RELT: variants seen among roughly 807,000 people sequenced by gnomAD.
The protein encoded by RELT is tumor necrosis factor receptor superfamily member 19L.
A neutral mutation model predicts 51.1 loss-of-function variants in RELT; 37 were observed. The ratio of observed to expected loss-of-function variants is 0.72; its 90% CI spans 0.56 to 0.95. The LOEUF is 0.95. Among genes scored for constraint, RELT ranks in the 40% least tolerant of loss-of-function variants. RELT has a pLI of 0.00. For synonymous variants in RELT, 241 were observed against 235.7 expected, an observed-to-expected ratio of 1.02 and a Z score of -0.21; for missense variants, 535 against 572.6, an observed-to-expected ratio of 0.93 and a Z score of 0.67.
chr11:73,392,537 C>T, intron 6 of RELT, 69 bp downstream of exon 6: 1 of 1,547,758 alleles, frequency 6.5e-7, no homozygotes. Flanking sequence ...CACTTGGGGG[C>T]TGCCAGCGGA....
intron 6 of RELT, 187 bp from the exon 7 acceptor site, chr11:73,393,650 T>C: frequency 6.4e-7 from 1 of 1,554,022 alleles, no homozygotes; most frequent in Non-Finnish European, 8.7e-7. Context: ...TGTTGAATCA[T>C]GAAGGTGATA....
rs375003837 is a variant in RELT, at chr11:73,394,559, T to C, written c.871T>C (p.Ser291Pro). Residue 291 changes from serine (S) to proline (P), a missense_variant, in exon 9 of 11, where the codon TCT (serine) becomes CCT (proline). Transcript: ENST00000064780. This position sits in a 1 kb window ranked among gnomAD's most constrained non-coding sequence, Gnocchi z 4.9. ...CACCGTGCAGGGCCTGGCCTCGCTC[T>C]CTGGCCCCTGCTGCTCCCGCTGTAG... ...LHTVQGLASL[S>P]GPCCSRCSQK... is the part of the protein sequence containing the mutation. 8.9e-5 allele frequency: 144 copies of C among 1,612,286 alleles called. No homozygotes were observed. Among genetic ancestry groups the C allele is most frequent in the Non-Finnish European group, 1.2e-4 (138 of 1,179,974 alleles).
Position 73,395,084 on chromosome 11 carries a change from C to T in RELT, c.1047-3C>T. On this transcript the variant is annotated splice_region_variant and splice_polypyrimidine_tract_variant and intron_variant, in intron 9 of 10. Transcript: ENST00000064780. ...GGGGATGATTGCCCCACTCTCCTCA[C>T]AGGTTCCGCGTGGCTCGAATTCCTG... The T allele has an allele frequency of 6.2e-7, 1 of 1,612,268 alleles. No homozygotes were observed. Among genetic ancestry groups the T allele is most frequent in the East Asian group, 2.2e-5 (1 of 44,874 alleles).
chr11:73,395,327 A>C (rs767602176), intron 10 of RELT, 42 bp downstream of exon 10: 1 of 1,606,250 alleles, frequency 6.2e-7, no homozygotes, highest in East Asian at 2.2e-5. Context: ...ACCTGGGCCA[A>C]CCCTGACCGA....
At chr11:73,382,512 G>T (rs1185484118) in intron 1 of RELT, among the ~76,000 whole-genome samples, 1 of 152,216 alleles carries the variant, frequency 6.6e-6, no homozygotes, top group Admixed American at 6.5e-5. Context: ...CAGGGCCAGG[G>T]TTGGCAACAC....
At chr11:73,384,216 C>G (rs1866089575) in intron 1 of RELT, 1 of 152,388 alleles carries the variant, frequency 6.6e-6, no homozygotes, top group Non-Finnish European at 1.5e-5. Flanking sequence ...TTCCTGGCTC[C>G]CATAGGCCCT....
Position 73,395,244 on chromosome 11 carries a change from C to A in RELT, c.1204C>A (p.Arg402Ser), listed in dbSNP as rs150214600. 1.9e-6 allele frequency: 3 copies of A among 1,613,154 alleles called. No homozygotes were observed. The highest frequency in any genetic ancestry group is 2.5e-6 in the Non-Finnish European group (3 of 1,179,962). Residue 402 changes from arginine (R) to serine (S), a missense_variant, in exon 10 of 11, where the codon CGT becomes AGT. Arg to Ser is a moderately radical substitution (Grantham distance 110). Coordinates refer to ENST00000064780, the MANE Select transcript of RELT (RefSeq NM_152222.2). ...QQALLGSGGS[R>S]TKWLKPPAEN... ...GGCCCTGCTAGGAAGTGGCGGAAGC[C>A]GTACAAAGTGGCTGAAGCCCCCAGC...
In RELT at chr11:73,377,699, C is replaced by G. The variant is rs537579585; in HGVS notation, c.-26+1200C>G. Among the ~76,000 whole-genome samples the G allele has an allele frequency of 2.6e-4, 40 of 151,418 alleles. 1 individual carries two copies. The highest frequency in any genetic ancestry group is 9.7e-4 in the African/African-American group (40 of 41,376). ...TTCTCAGACCCCCCCGCCCCCCTCC[C>G]CCGCGCAGGCCTCAGTCTCCCCATC... On this transcript the variant is annotated intron_variant, in intron 1 of 10. Transcript: ENST00000064780.
At chr11:73,382,257 G>C (rs1000882735) in intron 1 of RELT, among the ~76,000 whole-genome samples, 8 of 152,214 alleles carry the variant, frequency 5.3e-5, no homozygotes, top group Admixed American at 1.3e-4. Flanking sequence ...CAAGTCTGGG[G>C]AGAGTTGGAG....
chr11:73,381,442 C>G (rs917612185), intron 1 of RELT, among the ~76,000 whole-genome samples: 1 of 152,166 alleles, frequency 6.6e-6, no homozygotes, highest in Non-Finnish European at 1.5e-5. Context: ...TGCACAGACC[C>G]TTTCCCTCCC....
intron 5 of RELT, chr11:73,392,003 A>C (rs1383915372): frequency 8.0e-6 from 5 of 627,522 alleles, no homozygotes; most frequent in East Asian, 2.8e-5. Context: ...CGTCCTGAGG[A>C]GGCCTTGTTC....
At chr11:73,384,150 C>T (rs1866088654) in intron 1 of RELT, among the ~76,000 whole-genome samples, 2 of 152,164 alleles carry the variant, frequency 1.3e-5, no homozygotes, top group Non-Finnish European at 2.9e-5. Flanking sequence ...TAGCAGGCAG[C>T]CTGGGGAGCC....
rs1436423637 is a variant in RELT at position 73,394,962 on chromosome 11, G to A, written c.1047-125G>A. The A allele has an allele frequency of 5.1e-6, 5 of 971,080 alleles. No individual in the cohort carries two copies. The highest frequency in any genetic ancestry group is 2.1e-5 in the Admixed American group (1 of 46,696). 60.2% of individuals were successfully genotyped at this position (971,080 alleles called of 1,614,324 possible). A position where few individuals can be genotyped will look rare whatever the true frequency, so the allele number is the denominator to read the frequency against. On this transcript the variant is annotated intron_variant, in intron 9 of 10. Transcript: ENST00000064780. This position sits in a 1 kb window ranked among gnomAD's most constrained non-coding sequence, Gnocchi z 4.9. ...CCTAGGGCAGCATCTTGGCCCCCATGGCACCCGGGCCTCTCAGGCTAAGGC... is the reference window on the plus strand; with the variant it reads ...CCTAGGGCAGCATCTTGGCCCCCATAGCACCCGGGCCTCTCAGGCTAAGGC...
intron 6 of RELT, chr11:73,393,524 G>A: frequency 7.7e-7 from 1 of 1,295,978 alleles, no homozygotes; most frequent in Non-Finnish European, 1.0e-6. Flanking sequence ...GGAGGAGACA[G>A]TGCAGACCCA....
chr11:73,386,477 A>G (rs556587233), intron 1 of RELT, among the ~76,000 whole-genome samples: 1 of 152,084 alleles, frequency 6.6e-6, no homozygotes, highest in Non-Finnish European at 1.5e-5. Context: ...AGGTGTGGAC[A>G]TGTGTGTGCA....
chr11:73,386,985 G>A (rs1172182634), intron 1 of RELT, among the ~76,000 whole-genome samples: 1 of 147,844 alleles, frequency 6.8e-6, no homozygotes, highest in African/African-American at 2.5e-5. Context: ...TTGCTCTGTC[G>A]CCCAGGCTGG....
intron 5 of RELT, chr11:73,391,874 T>G: frequency 2.2e-6 from 1 of 446,998 alleles, no homozygotes; most frequent in Non-Finnish European, 4.1e-6. Flanking sequence ...AGGCACTAGA[T>G]TCATGGCCAG....
chr11:73,395,423 C>G lies in RELT; in HGVS notation c.1246-21C>G, dbSNP rs758111140. ...AAGCCAGCCCCTGACTCAGCTCTGA[C>G]CCCTCACCCCTGCCCACCAGGAGAA... On this transcript the variant is annotated intron_variant, in intron 10 of 10. Transcript: ENST00000064780. 6 of 968,324 alleles carry G rather than the reference C, an allele frequency of 6.2e-6. No homozygotes were observed. In the South Asian group the frequency reaches 7.7e-5, roughly 12 times the overall value. The allele number at this position is 968,324 out of a possible 1,614,324, so 60.0% of individuals were successfully genotyped here. A position where few individuals can be genotyped will look rare whatever the true frequency, so the allele number is the denominator to read the frequency against.
rs77652479 is a variant in RELT, at chr11:73,393,720, T to G, written c.626-117T>G. 15,661 of 1,567,834 alleles carry G rather than the reference T, an allele frequency of 1.0e-2. 101 individuals are homozygous for G. Among genetic ancestry groups the G allele is most frequent in the Middle Eastern group, 0.02 (122 of 5,996 alleles). ...GGCTCTGGGAGGCTTGTCACCTAAA[T>G]GCACATGCTCAGGGCCCTTAAGAAG... is the stretch of plus-strand genomic sequence containing the variant. On this transcript the variant is annotated intron_variant, in intron 6 of 10. Transcript: ENST00000064780.
Sources: gnomAD v4.1 joint callset for allele counts (sites outside exome capture counted in the v4.1 genomes callset) on GRCh38, gnomAD v4.1.1 for gene constraint, Gnocchi (gnomAD v3.1) non-coding constraint, MANE v1.5 for transcripts, NCBI Gene and HGNC (gene_info 2026-07-23, HGNC 2026-07-21) for gene names.